Variants in USP12 observed in about 807,000 individuals in gnomAD.
USP12 encodes the protein ubiquitin specific peptidase 12.
A neutral mutation model predicts 45.5 loss-of-function variants in USP12; 19 were observed. The ratio of observed to expected loss-of-function variants is 0.42; its 90% confidence interval spans 0.29 to 0.61. USP12 has a LOEUF of 0.61. USP12 is among the 20% of genes least tolerant of loss of function. The pLI, the probability that USP12 is intolerant of heterozygous loss-of-function variation, is 0.22. For synonymous variants in USP12, 149 were observed against 148.8 expected (o/e 1.00, Z -0.01); for missense variants, 242 against 447.7 (o/e 0.54, Z 4.15).
intron 1 of USP12, among the ~76,000 whole-genome samples, chr13:27,118,633 A>T (rs1306598121): frequency 6.6e-6 from 1 of 152,156 alleles, no homozygotes; most frequent in East Asian, 1.9e-4. Flanking sequence ...TAAAAATTCA[A>T]ACTGATACTG....
intron 1 of USP12, among the ~76,000 whole-genome samples, chr13:27,136,490 GC>G (rs1231836131): frequency 6.6e-6 from 1 of 152,032 alleles, no homozygotes; most frequent in African/African-American, 2.4e-5. Flanking sequence ...AAGAATGAAA[GC>G]CCGCCTCAAA....
At chr13:27,094,756 A>G (rs1346886988) in intron 4 of USP12, among the ~76,000 whole-genome samples, 2 of 151,752 alleles carry the variant, frequency 1.3e-5, no homozygotes, top group Non-Finnish European at 2.9e-5. Flanking sequence ...AAAAAAAAAG[A>G]CCATGTAAAT....
chr13:27,170,595 C>G (rs1566011530), intron 1 of USP12, among the ~76,000 whole-genome samples: 1 of 152,230 alleles, frequency 6.6e-6, no homozygotes, highest in African/African-American at 2.4e-5. Context: ...CTTCTGGCCA[C>G]GCACAAAACA....
Position 27,095,462 on chromosome 13 carries a change from T to C in USP12, c.573+139A>G, listed in dbSNP as rs757761974. The C allele has an allele frequency of 1.4e-3, 869 of 610,404 alleles. 1 individual carries two copies. Among genetic ancestry groups the C allele is most frequent in the Non-Finnish European group, 1.4e-3 (520 of 371,942 alleles). The allele number at this position is 610,404 out of a possible 1,614,324, so 37.8% of individuals were successfully genotyped here. On this transcript the variant is annotated intron_variant, in intron 4 of 8. Transcript: ENST00000282344. ...ATTAAGAATACAGACAGATTCCTTT[T>C]AACTGAAAAATACATCTTTAACTCC...
intron 1 of USP12, among the ~76,000 whole-genome samples, chr13:27,127,959 C>T (rs1043359493): frequency 1.3e-5 from 2 of 152,196 alleles, no homozygotes; most frequent in African/African-American, 4.8e-5. Flanking sequence ...AAAGTTCAAA[C>T]GTCCACTAGA....
At chr13:27,151,272 C>T (rs112277002) in intron 1 of USP12, among the ~76,000 whole-genome samples, 2,465 of 151,530 alleles carry the variant, frequency 0.016, 78 homozygotes, top group African/African-American at 0.057. Flanking sequence ...TGGAGGTTGC[C>T]GTGAGCCAAG....
intron 1 of USP12, among the ~76,000 whole-genome samples, chr13:27,166,466 T>C (rs576462138): frequency 7.2e-5 from 11 of 152,280 alleles, no homozygotes; most frequent in African/African-American, 2.6e-4. Context: ...GTCAAAAGTC[T>C]AGAATCAAAT....
rs369044569 is a variant in USP12, at chr13:27,086,308, C to CACAA, written c.734+3574_734+3575insTTGT. 1.3e-3 allele frequency among the ~76,000 whole-genome samples: 156 copies of CACAA among 122,604 alleles called. 1 individual carries two copies. The highest frequency in any genetic ancestry group is 3.8e-3 in the African/African-American group (128 of 33,290). 80.4% of individuals were successfully genotyped at this position (122,604 alleles called of 152,430 possible). On this transcript the variant is annotated intron_variant, in intron 6 of 8. Transcript: ENST00000282344. Reference sequence around the variant, plus strand: ...ACACACACACACACACACACACACACAATGCAGCACCTCCTAAGAAGGATA... The same window carrying CACAA: ...ACACACACACACACACACACACACACACAAAATGCAGCACCTCCTAAGAAGGATA...
At chr13:27,157,029 C>A (rs1319504987) in intron 1 of USP12, among the ~76,000 whole-genome samples, 2 of 152,126 alleles carry the variant, frequency 1.3e-5, no homozygotes, top group Non-Finnish European at 2.9e-5. Context: ...ACAGACTACT[C>A]CTCTCTATGG....
At chr13:27,156,147 C>T (rs1054225982) in intron 1 of USP12, among the ~76,000 whole-genome samples, 2 of 151,314 alleles carry the variant, frequency 1.3e-5, no homozygotes, top group Non-Finnish European at 2.9e-5. Context: ...AGAGACACGA[C>T]ATTCCACTGC....
chr13:27,090,035 G>C (rs1346280745), intron 5 of USP12, 47 bp downstream of exon 5: 1 of 1,572,104 alleles, frequency 6.4e-7, no homozygotes, highest in Non-Finnish European at 8.7e-7. Context: ...AAATATTCCA[G>C]ACTAAAAATA....
Position 27,067,245 on chromosome 13 carries a change from C to T in USP12, c.*2038G>A, listed in dbSNP as rs868671212. The T allele has an allele frequency of 1.3e-5, 2 of 152,226 alleles. No individual in the cohort carries two copies. The highest frequency in any genetic ancestry group is 6.8e-3 in the Middle Eastern group (2 of 294). The allele number at this position is 152,226 out of a possible 1,614,324, so 9.4% of individuals were successfully genotyped here. On this transcript the variant is annotated 3_prime_UTR_variant, in exon 9 of 9. Transcript: ENST00000282344. ...CATGTTGATATAGCTAATGTTAAAA[C>T]TGACACAGCTTCACTTTCCTCTTTT...
intron 6 of USP12, among the ~76,000 whole-genome samples, chr13:27,088,437 AAAT>A: frequency 6.6e-6 from 1 of 151,438 alleles, no homozygotes; most frequent in Non-Finnish European, 1.5e-5. Context: ...AAAAAAAAAA[AAAT>A]GGCGTGCTTG....
chr13:27,111,940 T>C (rs907799579), intron 2 of USP12, among the ~76,000 whole-genome samples: 4 of 152,188 alleles, frequency 2.6e-5, no homozygotes, highest in Admixed American at 6.5e-5. Flanking sequence ...TAAAGATACA[T>C]AGGTGCAAGG....
Position 27,129,127 on chromosome 13 carries a change from C to G in USP12, c.49-12531G>C, listed in dbSNP as rs1394563152. 6.7e-6 allele frequency among the ~76,000 whole-genome samples: 1 copy of G among 148,892 alleles called. No homozygotes were observed. Among genetic ancestry groups the G allele is most frequent in the Non-Finnish European group, 1.5e-5 (1 of 67,194 alleles). ...TAAAAAAAAGTACTCATATTGTGAA[C>G]TATCTAGAAAGAGTTCTTCATTCTT... On this transcript the variant is annotated intron_variant, in intron 1 of 8. Coordinates refer to ENST00000282344, the MANE Select transcript of USP12 (RefSeq NM_182488.4). This position sits in a 1 kb window ranked among gnomAD's most constrained non-coding sequence, Gnocchi z 4.0.
chr13:27,137,050 A>T (rs1004078730), intron 1 of USP12, among the ~76,000 whole-genome samples: 2 of 152,246 alleles, frequency 1.3e-5, no homozygotes, highest in East Asian at 3.8e-4. Flanking sequence ...TTAACTGCCA[A>T]ATAAGTGACA....
intron 6 of USP12, among the ~76,000 whole-genome samples, chr13:27,078,184 G>C (rs1010002464): frequency 6.6e-6 from 1 of 151,182 alleles, no homozygotes; most frequent in Non-Finnish European, 1.5e-5. Flanking sequence ...GATTCAACCA[G>C]CCATGAATTG....
chr13:27,108,061 C>T (rs1413403387), intron 2 of USP12, among the ~76,000 whole-genome samples: 1 of 152,174 alleles, frequency 6.6e-6, no homozygotes, highest in African/African-American at 2.4e-5. Flanking sequence ...ACAAATCATG[C>T]TGCTATAAAG....
At chr13:27,149,749 T>C (rs1379349056) in intron 1 of USP12, among the ~76,000 whole-genome samples, 1 of 152,222 alleles carries the variant, frequency 6.6e-6, no homozygotes, top group Admixed American at 6.5e-5. Flanking sequence ...ACCAGTTTTG[T>C]GGAAGACAAT....
Sources: allele counts gnomAD v4.1 joint callset (sites outside exome capture counted in the v4.1 genomes callset), GRCh38; gene constraint gnomAD v4.1.1; non-coding constraint Gnocchi (gnomAD v3.1); transcripts MANE v1.5; gene names NCBI Gene and HGNC (gene_info 2026-07-23, HGNC 2026-07-21).